The following PLAC8 variants were observed in gnomAD, a reference collection of about 807,000 sequenced individuals.
PLAC8 encodes placenta associated 8.
PLAC8 carries 6 observed loss-of-function variants against 12.6 expected under a neutral mutation model. The ratio of observed to expected loss-of-function variants is 0.48; its 90% CI spans 0.26 to 0.94. PLAC8 has a LOEUF of 0.94. Among genes scored for constraint, PLAC8 ranks in the 40% least tolerant of loss-of-function variants. The pLI is 0.14. For missense variants in PLAC8, 122 were observed against 152.7 expected (o/e 0.80, Z 1.06); for synonymous variants, 54 against 52.6 (o/e 1.03, Z -0.11).
intron 3 of PLAC8, among the ~76,000 whole-genome samples, chr4:83,097,456 C>T (rs372261793): frequency 1.3e-5 from 2 of 152,062 alleles, no homozygotes; most frequent in African/African-American, 4.8e-5. Flanking sequence ...GACATTTGCC[C>T]TAAATTAAGG....
At chr4:83,099,955 G>A (rs1208410608) in intron 3 of PLAC8, among the ~76,000 whole-genome samples, 7 of 150,576 alleles carry the variant, frequency 4.6e-5, no homozygotes, top group African/African-American at 9.8e-5. Flanking sequence ...GCAGTGAGAC[G>A]AGATCATACC....
intron 1 of PLAC8, among the ~76,000 whole-genome samples, chr4:83,112,088 C>T (rs926271194): frequency 2.0e-5 from 3 of 151,540 alleles, no homozygotes; most frequent in Non-Finnish European, 2.9e-5. Context: ...GCAGGAGAAT[C>T]GCTTGAACCC....
At chr4:83,108,757 T>G (rs752986805) in intron 1 of PLAC8, among the ~76,000 whole-genome samples, 5 of 152,246 alleles carry the variant, frequency 3.3e-5, no homozygotes, top group Non-Finnish European at 5.9e-5. Flanking sequence ...CCTGTGATCA[T>G]GGCCGACAGT....
intron 3 of PLAC8, among the ~76,000 whole-genome samples, chr4:83,095,263 C>T (rs549809211): frequency 2.4e-4 from 36 of 152,040 alleles, no homozygotes; most frequent in Non-Finnish European, 3.8e-4. Flanking sequence ...TAATGGGCAA[C>T]TAGTTTAAAA....
intron 1 of PLAC8, among the ~76,000 whole-genome samples, chr4:83,110,048 G>T (rs1732370221): frequency 6.6e-6 from 1 of 152,102 alleles, no homozygotes; most frequent in Non-Finnish European, 1.5e-5. Flanking sequence ...GCGCGGTCTC[G>T]GAGCCCAGCC....
chr4:83,102,281 C>T (rs1387350646), intron 3 of PLAC8, among the ~76,000 whole-genome samples: 1 of 152,164 alleles, frequency 6.6e-6, no homozygotes, highest in East Asian at 1.9e-4. Flanking sequence ...GCTGTAATCT[C>T]AGCACTTAGG....
At chr4:83,103,389 A>G (rs1578740907) in intron 3 of PLAC8, among the ~76,000 whole-genome samples, 1 of 152,090 alleles carries the variant, frequency 6.6e-6, no homozygotes, top group Non-Finnish European at 1.5e-5. Context: ...GTGAGACTCC[A>G]TCTCAACAAA....
At position 83,105,019 on chromosome 4, in the gene PLAC8, A is replaced by C; in HGVS notation, c.120T>G (p.Cys40Trp). 6.2e-7 allele frequency: 1 copy of C among 1,614,040 alleles called. No homozygotes were observed. Among genetic ancestry groups the C allele is most frequent in the Non-Finnish European group, 8.5e-7 (1 of 1,179,986 alleles). Residue 40 changes from cysteine (C) to tryptophan (W), a missense_variant and splice_region_variant, in exon 3 of 5, where the codon TGT becomes TGG. Transcript: ENST00000311507. The part of the protein sequence containing the change: ...MCDCFSDCGV[C>W]LCGTFCFPCL... Reference sequence around the variant, plus strand: ...ACGGGAAACAAAATGTGCCACAGAGACCTAGACACATGAAACCAGGGGTAC... The same window carrying C: ...ACGGGAAACAAAATGTGCCACAGAGCCCTAGACACATGAAACCAGGGGTAC...
At chr4:83,095,134 C>A (rs188169235) in intron 3 of PLAC8, among the ~76,000 whole-genome samples, 1 of 152,002 alleles carries the variant, frequency 6.6e-6, no homozygotes, top group Non-Finnish European at 1.5e-5. Flanking sequence ...CACCAAAATG[C>A]GGGTGTAAAC....
At chr4:83,097,776 G>A (rs577948097) in intron 3 of PLAC8, among the ~76,000 whole-genome samples, 2 of 152,124 alleles carry the variant, frequency 1.3e-5, no homozygotes, top group East Asian at 3.9e-4. Flanking sequence ...GGTGTGTAGG[G>A]AATGTGTTTT....
At position 83,096,678 on chromosome 4, in the gene PLAC8, A is replaced by ATC. The variant is rs542323537; in HGVS notation, c.244-1888_244-1887insGA. ...CGAAGATACAGCTATGGACATAGAC[A>ATC]TATAGAGTTTGGCATTTCAGGAGTT... is the stretch of plus-strand genomic sequence containing the variant. On this transcript the variant is annotated intron_variant, in intron 3 of 4. Transcript: ENST00000311507. 4.3e-4 allele frequency among the ~76,000 whole-genome samples: 65 copies of ATC among 152,332 alleles called. No homozygotes were observed. In the East Asian group the frequency reaches 0.01, roughly 24 times the overall value.
rs1732201804 is a variant in PLAC8, at chr4:83,104,992, G to C, written c.147C>G (p.Cys49Trp). Residue 49 changes from cysteine (C) to tryptophan (W), a missense_variant, in exon 3 of 5, where the codon TGC becomes TGG. Coordinates refer to ENST00000311507, the MANE Select transcript of PLAC8 (RefSeq NM_016619.3). ...VCLCGTFCFP[C>W]LGCQVAADMN... ...TATCAGCTGCAACTTGACACCCAAG[G>C]CACGGGAAACAAAATGTGCCACAGA... is the stretch of plus-strand genomic sequence containing the variant. 6.2e-7 allele frequency: 1 copy of C among 1,614,002 alleles called. No individual in the cohort carries two copies. Among genetic ancestry groups the C allele is most frequent in the Middle Eastern group, 1.6e-4 (1 of 6,062 alleles).
Position 83,105,011 on chromosome 4 carries a change from C to A in PLAC8, c.128G>T (p.Gly43Val). The A allele has an allele frequency of 6.2e-7, 1 of 1,614,064 alleles. No homozygotes were observed. Among genetic ancestry groups the A allele is most frequent in the African/African-American group, 1.3e-5 (1 of 75,022 alleles). Residue 43 changes from glycine to valine, a missense_variant, in exon 3 of 5, where the codon GGC becomes GTC. Gly to Val is a moderately radical substitution (Grantham distance 109). Transcript: ENST00000311507. ...CFSDCGVCLC[G>V]TFCFPCLGCQ... ...CCCAAGGCACGGGAAACAAAATGTG[C>A]CACAGAGACCTAGACACATGAAACC... is the stretch of plus-strand genomic sequence containing the variant.
chr4:83,096,983 C>T (rs964295813), intron 3 of PLAC8, among the ~76,000 whole-genome samples: 10 of 152,176 alleles, frequency 6.6e-5, no homozygotes, highest in Non-Finnish European at 1.5e-4. Flanking sequence ...AGCACTGCAC[C>T]GTCTTCTCCC....
intron 2 of PLAC8, 145 bp downstream of exon 2, chr4:83,107,659 C>CTTTTTTTTTTTTTTTTTT (rs1436236575): frequency 3.7e-5 from 1 of 26,808 alleles, no homozygotes; most frequent in African/African-American, 1.3e-4. Flanking sequence ...TTTTTTTTTG[C>CTTTTTTTTTTTTTTTTTT]TAAACATACC....
At chr4:83,114,107 A>G (rs1732481340) in intron 1 of PLAC8, among the ~76,000 whole-genome samples, 1 of 151,960 alleles carries the variant, frequency 6.6e-6, no homozygotes, top group African/African-American at 2.4e-5. Context: ...TCCATTTCAT[A>G]ATCTCTCCAT....
chr4:83,112,190 A>T lies in PLAC8; in HGVS notation c.-30+2476T>A, dbSNP rs1276987279. Among the ~76,000 whole-genome samples, 183 of 52,830 alleles carry T rather than the reference A, an allele frequency of 3.5e-3. 1 individual carries two copies. Among genetic ancestry groups the T allele is most frequent in the Non-Finnish European group, 5.4e-3 (157 of 29,262 alleles). 34.7% of individuals were successfully genotyped at this position (52,830 alleles called of 152,430 possible). On this transcript the variant is annotated intron_variant, in intron 1 of 4. Transcript: ENST00000311507. ...CTCCGTCTCAAAAAAAAAAAAATTT[A>T]TATATATATATATGTATATATATAT... is the stretch of plus-strand genomic sequence containing the variant.
chr4:83,104,986 C>A lies in PLAC8; in HGVS notation c.153G>T (p.Gly51=). 6.2e-7 allele frequency: 1 copy of A among 1,614,154 alleles called. No homozygotes were observed. Residue 51 remains glycine, a synonymous_variant, in exon 3 of 5, where the codon GGG becomes GGT. Transcript: ENST00000311507. ...CATTCATATCAGCTGCAACTTGACA[C>A]CCAAGGCACGGGAAACAAAATGTGC... ...LCGTFCFPCL[G]CQVAADMNEC...
chr4:83,096,536 A>T (rs1439981870), intron 3 of PLAC8, among the ~76,000 whole-genome samples: 3 of 152,250 alleles, frequency 2.0e-5, no homozygotes, highest in African/African-American at 7.2e-5. Flanking sequence ...GAAAAATAAC[A>T]ATCTAATCCC....
Sources: allele counts gnomAD v4.1 joint callset (sites outside exome capture counted in the v4.1 genomes callset), GRCh38; gene constraint gnomAD v4.1.1; transcripts MANE v1.5; gene names NCBI Gene and HGNC (gene_info 2026-07-23, HGNC 2026-07-21).